Variants in WDR64 observed in about 807,000 individuals in gnomAD.
WDR64 encodes the protein WD repeat domain 64.
In WDR64, 112 loss-of-function variants were observed where a neutral mutation model predicts 139.3. The observed-to-expected ratio is 0.80, with a 90% CI of 0.69 to 0.94. The LOEUF is 0.94. Among genes scored for constraint, WDR64 ranks in the 40% least tolerant of loss-of-function variants. The pLI, the probability that WDR64 is intolerant of heterozygous loss-of-function variation, is 0.00. For synonymous variants in WDR64, 444 were observed against 437.7 expected (o/e 1.01, Z -0.18); for missense variants, 1,206 against 1,293.1 (o/e 0.93, Z 1.03).
chr1:241,780,700 G>T (rs1658813200), intron 22 of WDR64, among the ~76,000 whole-genome samples: 1 of 152,022 alleles, frequency 6.6e-6, no homozygotes, highest in African/African-American at 2.4e-5. Context: ...TTCAAATATT[G>T]TTTCATTTGA....
chr1:241,739,093 G>A (rs556854221), intron 11 of WDR64, among the ~76,000 whole-genome samples: 1 of 152,308 alleles, frequency 6.6e-6, no homozygotes, highest in South Asian at 2.1e-4. Context: ...ACCAGCCTTT[G>A]CCTCTCGACG....
intron 1 of WDR64, 49 bp downstream of exon 1, chr1:241,652,678 C>A: frequency 6.5e-7 from 1 of 1,538,434 alleles, no homozygotes; most frequent in South Asian, 1.2e-5. Flanking sequence ...TTGGTTAGAA[C>A]TGGAAAATGT....
chr1:241,757,686 C>T (rs1247950326), intron 15 of WDR64, among the ~76,000 whole-genome samples: 7 of 126,768 alleles, frequency 5.5e-5, no homozygotes, highest in Admixed American at 2.7e-4. Flanking sequence ...CAGGGTTCTG[C>T]TCTGTTGCCC....
intron 10 of WDR64, among the ~76,000 whole-genome samples, chr1:241,736,895 C>G (rs1421665281): frequency 6.6e-6 from 1 of 152,134 alleles, no homozygotes; most frequent in Non-Finnish European, 1.5e-5. Context: ...CCTCCTTTGC[C>G]TAGTCTCTTG....
intron 11 of WDR64, among the ~76,000 whole-genome samples, chr1:241,739,206 A>C (rs1428506256): frequency 2.0e-5 from 3 of 152,226 alleles, no homozygotes; most frequent in African/African-American, 7.2e-5. Context: ...CTAAAGAAAC[A>C]AGGGGCCCTG....
chr1:241,779,865 ATTTCTGCTTTCATTTCTGT>A, intron 21 of WDR64, 120 bp from the exon 22 acceptor site: 1 of 583,064 alleles, frequency 1.7e-6, no homozygotes, highest in Non-Finnish European at 2.9e-6. Context: ...TGAATATGAA[ATTTCTGCTTTCATTTCTGT>A]TTTCTCAGGT....
Position 241,744,404 on chromosome 1 carries a change from C to A in WDR64, c.1482C>A (p.Leu494=). 1 of 1,614,008 alleles carries A rather than the reference C, an allele frequency of 6.2e-7. No homozygotes were observed. Among genetic ancestry groups the A allele is most frequent in the Non-Finnish European group, 8.5e-7 (1 of 1,179,968 alleles). ...GTTCTTTCCCATAGGTATGGGAACT[C>A]GAGACTGGGCTCCAAGTATACCAGA... is the stretch of plus-strand genomic sequence containing the variant. The part of the protein sequence containing the change: ...CSESIIRVWE[L]ETGLQVYQIL... The change falls in exon 13 of 28, where the codon CTC becomes CTA. Residue 494 remains leucine (L), a synonymous_variant. Coordinates refer to ENST00000437684, the MANE Select transcript of WDR64 (RefSeq NM_001367482.1).
chr1:241,693,833 TA>T (rs1313879226), intron 8 of WDR64, among the ~76,000 whole-genome samples: 1 of 152,218 alleles, frequency 6.6e-6, no homozygotes, highest in Non-Finnish European at 1.5e-5. Context: ...AAAGATTGGT[TA>T]AAACATATAA....
rs1332157066 is a variant in WDR64, at chr1:241,766,203, T to G, written c.1948-15T>G. The G allele has an allele frequency of 9.9e-6, 16 of 1,612,778 alleles. No individual in the cohort carries two copies. The highest frequency in any genetic ancestry group is 1.7e-5 in the Admixed American group (1 of 59,900). ...AATACTATATTTATGGTGTTCTGTT[T>G]CCTTCGTTCTTCAGAATCCCACCAT... On this transcript the variant is annotated splice_polypyrimidine_tract_variant and intron_variant, in intron 15 of 27. Coordinates refer to ENST00000437684, the MANE Select transcript of WDR64 (RefSeq NM_001367482.1).
In WDR64 at chr1:241,769,628, C is replaced by T. The variant is rs909043241; in HGVS notation, c.2183+123C>T. 3.5e-6 allele frequency: 3 copies of T among 855,930 alleles called. No individual in the cohort carries two copies. In the Admixed American group the frequency reaches 7.6e-5, roughly 22 times the overall value. 53.0% of individuals were successfully genotyped at this position (855,930 alleles called of 1,614,324 possible). A position where few individuals can be genotyped will look rare whatever the true frequency, so the allele number is the denominator to read the frequency against. On this transcript the variant is annotated intron_variant, in intron 17 of 27. Coordinates refer to ENST00000437684, the MANE Select transcript of WDR64 (RefSeq NM_001367482.1). ...GTAATAGAAAGAGTTTACTTCATCC[C>T]AGCATTAAAGAAGGGACCACTGAAA... is the stretch of plus-strand genomic sequence containing the variant.
In WDR64 at chr1:241,771,979, T is replaced by TATATATATAA. The variant is rs1658471243; in HGVS notation, c.2290+291_2290+292insAATATATATA. Among the ~76,000 whole-genome samples, 9 of 134,348 alleles carry TATATATATAA rather than the reference T, an allele frequency of 6.7e-5. 1 individual carries two copies. The highest frequency in any genetic ancestry group is 2.5e-4 in the African/African-American group (9 of 35,980). 88.1% of individuals were successfully genotyped at this position (134,348 alleles called of 152,430 possible). ...ATATATATATATATATATATATATATATATATATATTCTTTTTGGAACCAA... is the reference window on the plus strand; with the variant it reads ...ATATATATATATATATATATATATATATATATATAAATATATATATTCTTTTTGGAACCAA... On this transcript the variant is annotated intron_variant, in intron 19 of 27. Coordinates refer to ENST00000437684, the MANE Select transcript of WDR64 (RefSeq NM_001367482.1).
intron 24 of WDR64, 89 bp from the exon 25 acceptor site, chr1:241,790,502 G>A (rs995676735): frequency 2.3e-4 from 244 of 1,058,548 alleles, no homozygotes; most frequent in Non-Finnish European, 3.1e-4. Context: ...AGAAATGTGG[G>A]CACCAGAGAA....
At chr1:241,654,590 A>G (rs1294135586) in intron 1 of WDR64, among the ~76,000 whole-genome samples, 2 of 151,932 alleles carry the variant, frequency 1.3e-5, no homozygotes, top group Non-Finnish European at 2.9e-5. Flanking sequence ...TTTCTCCTTG[A>G]GCTTTGCCTA....
At chr1:241,782,330 C>T (rs576894483) in intron 22 of WDR64, among the ~76,000 whole-genome samples, 1 of 152,256 alleles carries the variant, frequency 6.6e-6, no homozygotes, top group Non-Finnish European at 1.5e-5. Context: ...TACTTTGGCT[C>T]TCTAAAAATA....
At position 241,674,905 on chromosome 1, in the gene WDR64, TCTTA is replaced by T. The variant is rs1261519020; in HGVS notation, c.483+159_483+162del. ...TTCCTTCTTGCTTTTATTTCCTTCC[TCTTA>T]TTCCTTCCTTCCTTCTTTCCTTCCT... On this transcript the variant is annotated intron_variant, in intron 4 of 27. Transcript: ENST00000437684. 7.8e-4 allele frequency among the ~76,000 whole-genome samples: 19 copies of T among 24,402 alleles called. 5 individuals are homozygous for T. Among genetic ancestry groups the T allele is most frequent in the East Asian group, 1.7e-3 (2 of 1,180 alleles). 16.0% of individuals were successfully genotyped at this position (24,402 alleles called of 152,430 possible).
chr1:241,741,785 T>C (rs766465969), intron 12 of WDR64, 121 bp downstream of exon 12: 4 of 1,060,514 alleles, frequency 3.8e-6, no homozygotes, highest in Non-Finnish European at 5.1e-6. Context: ...GACCATACAT[T>C]AGAATGATTT....
chr1:241,784,561 A>C (rs1382521847), intron 23 of WDR64, among the ~76,000 whole-genome samples: 2 of 152,198 alleles, frequency 1.3e-5, no homozygotes, highest in Non-Finnish European at 2.9e-5. Context: ...AATGTTTAGA[A>C]TGTGGAAGGA....
At chr1:241,726,184 G>A (rs1264146687) in intron 10 of WDR64, among the ~76,000 whole-genome samples, 1 of 151,974 alleles carries the variant, frequency 6.6e-6, no homozygotes, top group African/African-American at 2.4e-5. Flanking sequence ...CCATGGCACT[G>A]GGCCAATCGT....
intron 8 of WDR64, among the ~76,000 whole-genome samples, chr1:241,690,268 A>C (rs970809515): frequency 6.6e-6 from 1 of 152,080 alleles, no homozygotes; most frequent in East Asian, 1.9e-4. Context: ...GTCAGGAGTT[A>C]GAGATCAGCC....
Sources: allele counts gnomAD v4.1 joint callset (sites outside exome capture counted in the v4.1 genomes callset), GRCh38; gene constraint gnomAD v4.1.1; transcripts MANE v1.5; gene names NCBI Gene and HGNC (gene_info 2026-07-23, HGNC 2026-07-21).